Variants in NT5DC1 observed in about 807,000 individuals in gnomAD.
NT5DC1 encodes 5'-nucleotidase domain-containing protein 1.
NT5DC1 carries 42 observed loss-of-function variants against 59.4 expected under a neutral mutation model. The observed-to-expected ratio is 0.71, with a 90% CI of 0.55 to 0.92. NT5DC1 has a LOEUF of 0.92. NT5DC1 is among the 40% of genes least tolerant of loss of function. The pLI is 0.00. For synonymous variants in NT5DC1, 172 were observed against 188.1 expected (o/e 0.91, Z 0.70); for missense variants, 501 against 537.1 (o/e 0.93, Z 0.66).
At chr6:116,151,152 T>A (rs936617855) in intron 6 of NT5DC1, among the ~76,000 whole-genome samples, 1 of 152,166 alleles carries the variant, frequency 6.6e-6, no homozygotes, top group Non-Finnish European at 1.5e-5. Flanking sequence ...TCTTTTTGCT[T>A]CCGGGCAGCT....
At chr6:116,150,952 G>A (rs1288083481) in intron 6 of NT5DC1, among the ~76,000 whole-genome samples, 3 of 152,114 alleles carry the variant, frequency 2.0e-5, no homozygotes, top group Non-Finnish European at 4.4e-5. Flanking sequence ...AGTAAAACAT[G>A]GCAGATTGTA....
At chr6:116,200,314 C>G (rs1440110791) in intron 6 of NT5DC1, among the ~76,000 whole-genome samples, 1 of 151,830 alleles carries the variant, frequency 6.6e-6, no homozygotes, top group Non-Finnish European at 1.5e-5. Flanking sequence ...AACCAGTAAA[C>G]GTAATATGGT....
At chr6:116,216,723 A>G (rs760693792) in intron 6 of NT5DC1, among the ~76,000 whole-genome samples, 65 of 152,116 alleles carry the variant, frequency 4.3e-4, no homozygotes, top group Non-Finnish European at 8.4e-4. Context: ...TTTTAATTTT[A>G]TTTTTTGCCA....
In NT5DC1 at chr6:116,245,653, G is replaced by T. The variant is rs965270931; in HGVS notation, c.*1629G>T. ...CTATCTCATGTATGCTTTAAATAGA[G>T]AATTTATTTCTTTTAAAAATAAAGC... On this transcript the variant is annotated 3_prime_UTR_variant, in exon 12 of 12. Transcript: ENST00000319550. The T allele has an allele frequency of 2.6e-5, 4 of 152,250 alleles. No individual in the cohort carries two copies. Among genetic ancestry groups the T allele is most frequent in the African/African-American group, 7.2e-5 (3 of 41,562 alleles). 9.4% of individuals were successfully genotyped at this position (152,250 alleles called of 1,614,324 possible). A position where few individuals can be genotyped will look rare whatever the true frequency, so the allele number is the denominator to read the frequency against.
intron 3 of NT5DC1, among the ~76,000 whole-genome samples, chr6:116,109,395 A>G (rs1174653431): frequency 6.6e-6 from 1 of 152,202 alleles, no homozygotes; most frequent in Admixed American, 6.5e-5. Context: ...GTATGTGTAA[A>G]TGCAGCTTTG....
intron 6 of NT5DC1, among the ~76,000 whole-genome samples, chr6:116,173,668 AATTT>A (rs1780667285): frequency 6.6e-6 from 1 of 152,084 alleles, no homozygotes; most frequent in Non-Finnish European, 1.5e-5. Flanking sequence ...TTATTTTTGT[AATTT>A]ATTTATTTAT....
chr6:116,220,122 C>CTTTTTTTTTTTTTTTTTT (rs60827021), intron 6 of NT5DC1, among the ~76,000 whole-genome samples: 10 of 98,646 alleles, frequency 1.0e-4, no homozygotes, highest in African/African-American at 4.3e-4. Context: ...GCTGTTTAAC[C>CTTTTTTTTTTTTTTTTTT]TTTTTTTTTT....
At chr6:116,184,425 G>A (rs1382362317) in intron 6 of NT5DC1, among the ~76,000 whole-genome samples, 3 of 151,934 alleles carry the variant, frequency 2.0e-5, no homozygotes, top group Admixed American at 1.3e-4. Flanking sequence ...GAATGATTTA[G>A]AGAGGATTCC....
At chr6:116,192,748 A>G (rs1227370328) in intron 6 of NT5DC1, among the ~76,000 whole-genome samples, 2 of 152,042 alleles carry the variant, frequency 1.3e-5, no homozygotes, top group East Asian at 3.9e-4. Flanking sequence ...CTGAGTACTA[A>G]TACTTTGTCT....
intron 6 of NT5DC1, chr6:116,120,220 G>A: frequency 6.2e-7 from 1 of 1,614,168 alleles, no homozygotes; most frequent in Non-Finnish European, 8.5e-7. Context: ...CCTGATCCAG[G>A]TAGCCTTTGG....
chr6:116,126,784 T>C (rs1280994347), intron 6 of NT5DC1, among the ~76,000 whole-genome samples: 1 of 152,196 alleles, frequency 6.6e-6, no homozygotes, highest in Non-Finnish European at 1.5e-5. Context: ...TCTCATATTA[T>C]GTTAATTTAC....
rs929191095 is a variant in NT5DC1 at position 116,249,044 on chromosome 6, A to G, written c.*5020A>G. 1 of 152,236 alleles carries G rather than the reference A, an allele frequency of 6.6e-6. No homozygotes were observed. Among genetic ancestry groups the G allele is most frequent in the Admixed American group, 6.5e-5 (1 of 15,288 alleles). 9.4% of individuals were successfully genotyped at this position (152,236 alleles called of 1,614,324 possible). Reference sequence around the variant, plus strand: ...GATTACATCCAGAACAGGCATAGAAAAGGTATAATAAAGCTTGAAACAGGT... The same window carrying G: ...GATTACATCCAGAACAGGCATAGAAGAGGTATAATAAAGCTTGAAACAGGT... On this transcript the variant is annotated 3_prime_UTR_variant, in exon 12 of 12. Coordinates refer to ENST00000319550, the MANE Select transcript of NT5DC1 (RefSeq NM_152729.3).
At chr6:116,149,705 T>C (rs1291154182) in intron 6 of NT5DC1, among the ~76,000 whole-genome samples, 1 of 152,180 alleles carries the variant, frequency 6.6e-6, no homozygotes, top group Non-Finnish European at 1.5e-5. Context: ...ATGCACCAAA[T>C]CAGTTTAGAG....
chr6:116,240,548 T>A (rs12664763), intron 11 of NT5DC1, among the ~76,000 whole-genome samples: 20,651 of 151,552 alleles, frequency 0.14, 1,630 homozygotes, highest in East Asian at 0.3. Context: ...TCCCAGGAGA[T>A]GAGAGAATAA....
At chr6:116,107,539 C>CTTTTT (rs869244648) in intron 2 of NT5DC1, among the ~76,000 whole-genome samples, 1 of 114,064 alleles carries the variant, frequency 8.8e-6, no homozygotes, top group South Asian at 3.0e-4. Context: ...TAGTGGTTTT[C>CTTTTT]TTTTTATTTT....
chr6:116,156,483 T>C (rs550956010), intron 6 of NT5DC1, among the ~76,000 whole-genome samples: 2 of 152,278 alleles, frequency 1.3e-5, no homozygotes, highest in African/African-American at 4.8e-5. Context: ...ATGCTGTGTA[T>C]AGTGCAAAGT....
At chr6:116,145,419 G>A in intron 6 of NT5DC1, 1 of 353,318 alleles carries the variant, frequency 2.8e-6, no homozygotes, top group Non-Finnish European at 6.3e-6. Context: ...AACTTTTTCT[G>A]TTCTTTATTA....
chr6:116,110,651 G>T (rs777527925), intron 3 of NT5DC1, 199 bp from the exon 4 acceptor site: 2 of 660,650 alleles, frequency 3.0e-6, no homozygotes, highest in Non-Finnish European at 5.5e-6. Context: ...CTACTTGATG[G>T]ATTAAAGCGG....
chr6:116,236,618 GTGTTATTTATT>G (rs1782118201), intron 8 of NT5DC1, among the ~76,000 whole-genome samples: 1 of 152,114 alleles, frequency 6.6e-6, no homozygotes, highest in African/African-American at 2.4e-5. Context: ...GACTTTCATT[GTGTTATTTATT>G]TGGTAAACCG....
Sources: gnomAD v4.1 joint callset for allele counts (sites outside exome capture counted in the v4.1 genomes callset) on GRCh38, gnomAD v4.1.1 for gene constraint, MANE v1.5 for transcripts, NCBI Gene and HGNC (gene_info 2026-07-23, HGNC 2026-07-21) for gene names.